Variants in NLRC3 observed in about 807,000 individuals in gnomAD.
The protein encoded by NLRC3 is NLR family CARD domain containing 3.
NLRC3 carries 87 observed loss-of-function variants against 91.6 expected under a neutral mutation model. The ratio of observed to expected loss-of-function variants is 0.95; its 90% CI spans 0.80 to 1.14. NLRC3 has a LOEUF of 1.14. Among genes scored for constraint, NLRC3 ranks in the 50% most tolerant of loss-of-function variants. The pLI is 0.00. For synonymous variants in NLRC3, 694 were observed against 625.3 expected (o/e 1.11, Z -1.64); for missense variants, 1,577 against 1,418.6 (o/e 1.11, Z -1.79).
chr16:3,565,008 C>T lies in NLRC3; in HGVS notation c.29G>A (p.Arg10Lys). Residue 10 changes from arginine (R) to lysine (K), a missense_variant, in exon 4 of 20, where the codon AGG (arginine) becomes AAG (lysine). Arg to Lys is a conservative substitution (Grantham distance 26, BLOSUM62 2). Coordinates refer to ENST00000359128, the MANE Select transcript of NLRC3 (RefSeq NM_178844.4). Reference sequence around the variant, plus strand: ...CGTACCGTGGCCCTGGCCGGCCTCCCTGCCCGTCCGCACCTCTTGCTTCCT... The same window carrying T: ...CGTACCGTGGCCCTGGCCGGCCTCCTTGCCCGTCCGCACCTCTTGCTTCCT... Reference protein sequence around the residue: MRKQEVRTGREAGQGHGTGS... With the variant: MRKQEVRTGKEAGQGHGTGS... 6.2e-7 allele frequency: 1 copy of T among 1,610,344 alleles called. No homozygotes were observed. The highest frequency in any genetic ancestry group is 1.3e-5 in the African/African-American group (1 of 75,068).
intron 5 of NLRC3, among the ~76,000 whole-genome samples, chr16:3,562,552 A>C (rs1012723784): frequency 1.4e-4 from 21 of 152,180 alleles, no homozygotes; most frequent in African/African-American, 5.1e-4. Flanking sequence ...GAGGCAGGAG[A>C]ATCGCTTGAA....
chr16:3,550,509 G>A lies in NLRC3; in HGVS notation c.2352-12C>T, dbSNP rs775943391. The stretch of plus-strand genomic sequence containing the variant: ...TATTACTGGAGAACCTGCAAGAGAA[G>A]GGATATGGATGAGCCAGCCTCTGGG... On this transcript the variant is annotated splice_polypyrimidine_tract_variant and intron_variant, in intron 10 of 19. Coordinates refer to ENST00000359128, the MANE Select transcript of NLRC3 (RefSeq NM_178844.4). 1.3e-6 allele frequency: 2 copies of A among 1,599,342 alleles called. No homozygotes were observed. Among genetic ancestry groups the A allele is most frequent in the South Asian group, 1.1e-5 (1 of 90,802 alleles).
At chr16:3,568,918 TA>T (rs2039986272) in intron 1 of NLRC3, among the ~76,000 whole-genome samples, 1 of 152,222 alleles carries the variant, frequency 6.6e-6, no homozygotes, top group Non-Finnish European at 1.5e-5. Context: ...ATTGTTGGTA[TA>T]AAAGATGATT....
At chr16:3,567,638 G>C (rs1041258748) in intron 1 of NLRC3, among the ~76,000 whole-genome samples, 3 of 151,704 alleles carry the variant, frequency 2.0e-5, no homozygotes, top group Admixed American at 2.0e-4. Context: ...TGGGCATGGT[G>C]GTGGGCGCCT....
intron 15 of NLRC3, chr16:3,545,262 AT>A (rs1330513398): frequency 6.6e-6 from 1 of 152,158 alleles, no homozygotes; most frequent in African/African-American, 2.4e-5. Context: ...CCTGGCCAAC[AT>A]GGTGAAACCC....
intron 1 of NLRC3, among the ~76,000 whole-genome samples, chr16:3,569,974 C>T (rs1471886974): frequency 2.0e-5 from 3 of 152,202 alleles, no homozygotes; most frequent in African/African-American, 7.2e-5. Flanking sequence ...CACTGTATTT[C>T]CATAATTTAT....
intron 7 of NLRC3, 96 bp from the exon 8 acceptor site, chr16:3,557,090 A>G: frequency 1.2e-6 from 1 of 826,954 alleles, no homozygotes; most frequent in Non-Finnish European, 2.0e-6. Context: ...GTGATCCTCT[A>G]AGGGAATGTG....
At chr16:3,547,810 A>AG (rs1041512172) in intron 15 of NLRC3, among the ~76,000 whole-genome samples, 3 of 152,142 alleles carry the variant, frequency 2.0e-5, no homozygotes, top group African/African-American at 7.2e-5. Context: ...CTGGGATTAC[A>AG]GGCATGTGCC....
Position 3,554,323 on chromosome 16 carries a change from A to G in NLRC3, c.2186T>C (p.Leu729Pro), listed in dbSNP as rs1259474740. ...ATCATCCCTAACGGTGTTGCCCTGG[A>G]GGCTGCAGAGACAAGAAGAGGCTCA... ...KINRTLTSLS[L>P]QGNTVRDDGA... The change falls in exon 9 of 20, where the codon CTC becomes CCC. Residue 729 changes from leucine to proline, a missense_variant and splice_region_variant. By Grantham distance (98) the Leu-to-Pro change is moderately conservative. Coordinates refer to ENST00000359128, the MANE Select transcript of NLRC3 (RefSeq NM_178844.4). The G allele has an allele frequency of 1.2e-6, 2 of 1,612,684 alleles. No individual in the cohort carries two copies. Among genetic ancestry groups the G allele is most frequent in the East Asian group, 2.2e-5 (1 of 44,886 alleles).
At chr16:3,549,646 A>G (rs1393508556) in intron 12 of NLRC3, 51 bp downstream of exon 12, 3 of 1,332,808 alleles carry the variant, frequency 2.3e-6, no homozygotes, top group Non-Finnish European at 3.2e-6. Context: ...CCCTGCAGAC[A>G]GGTGCCTCGT....
chr16:3,544,185 C>T (rs2038561136), intron 16 of NLRC3, 61 bp downstream of exon 16: 2 of 915,430 alleles, frequency 2.2e-6, no homozygotes, highest in African/African-American at 1.7e-5. Context: ...AAAAAGACCT[C>T]TAACGTGAAA....
At chr16:3,575,902 T>A (rs1230556712) in intron 1 of NLRC3, among the ~76,000 whole-genome samples, 10 of 152,172 alleles carry the variant, frequency 6.6e-5, no homozygotes, top group Non-Finnish European at 1.3e-4. Flanking sequence ...ATCCTGCCCC[T>A]GCCCCCTCCC....
rs780689019 is a variant in NLRC3 at position 3,556,919 on chromosome 16, G to C, written c.2175C>G (p.Thr725=). The C allele has an allele frequency of 1.2e-5, 19 of 1,612,164 alleles. No individual in the cohort carries two copies. The East Asian group carries it at 3.6e-4, about 30-fold the overall frequency. ...ADALKINRTL[T]SLSLQGNTVR... Reference sequence around the variant, plus strand: ...GAGCAGGTGACACACACCTCAGGGAGGTCAGGGTGCGGTTGATCTTCAAAG... The same window carrying C: ...GAGCAGGTGACACACACCTCAGGGACGTCAGGGTGCGGTTGATCTTCAAAG... Residue 725 remains threonine, a synonymous_variant, in exon 8 of 20, where the codon ACC becomes ACG. Transcript: ENST00000359128.
chr16:3,549,187 G>A lies in NLRC3; in HGVS notation c.2558C>T (p.Ala853Val). 6.3e-7 allele frequency: 1 copy of A among 1,589,800 alleles called. No individual in the cohort carries two copies. Among genetic ancestry groups the A allele is most frequent in the East Asian group, 2.3e-5 (1 of 43,934 alleles). The change falls in exon 13 of 20, where the codon GCC (alanine) becomes GTC (valine). Residue 853 changes from alanine (A) to valine (V), a missense_variant. Transcript: ENST00000359128. ...GTTGGCGCAGAGGGCATGAGCGATGGCCTGGGCTCCCTCGGGACTGATGGA... is the reference window on the plus strand; with the variant it reads ...GTTGGCGCAGAGGGCATGAGCGATGACCTGGGCTCCCTCGGGACTGATGGA... The part of the protein sequence containing the change: ...ENSISPEGAQ[A>V]IAHALCANST...
chr16:3,569,627 A>G (rs539675914), intron 1 of NLRC3, among the ~76,000 whole-genome samples: 63 of 151,788 alleles, frequency 4.2e-4, no homozygotes, highest in South Asian at 8.3e-4. Context: ...TGAACTCCTG[A>G]CCTCAAGTGA....
chr16:3,541,265 C>A lies in NLRC3; in HGVS notation c.*560G>T, dbSNP rs1341534141. The A allele has an allele frequency of 6.6e-6, 1 of 152,272 alleles. No homozygotes were observed. Among genetic ancestry groups the A allele is most frequent in the South Asian group, 2.1e-4 (1 of 4,836 alleles). 9.4% of individuals were successfully genotyped at this position (152,272 alleles called of 1,614,324 possible). On this transcript the variant is annotated 3_prime_UTR_variant, in exon 20 of 20. Coordinates refer to ENST00000359128, the MANE Select transcript of NLRC3 (RefSeq NM_178844.4). ...CTCTTACTGTCTCTGTTTCCAGAAT[C>A]CTAGAATTAAAACTTTCATTTATCT...
In NLRC3 at chr16:3,548,684, G is replaced by T; in HGVS notation, c.2673C>A (p.Thr891=). Residue 891 remains threonine, a synonymous_variant, in exon 14 of 20, where the codon ACC becomes ACA. Transcript: ENST00000359128. ...AIAVAVRENR[T]LTSLHLQWNF... ...TGCAGACTCACTGAAGGGAGGTGAG[G>T]GTGCGGTTTTCTCTCACTGCCACTG... The T allele has an allele frequency of 6.3e-7, 1 of 1,590,858 alleles. No homozygotes were observed.
rs574578976 is a variant in NLRC3 at position 3,549,208 on chromosome 16, A to C, written c.2537T>G (p.Ile846Ser). The change falls in exon 13 of 20, where the codon ATC becomes AGC. Residue 846 changes from isoleucine to serine, a missense_variant. Physicochemically the swap from Ile to Ser is moderately radical, Grantham distance 142 (BLOSUM62 -2). Coordinates refer to ENST00000359128, the MANE Select transcript of NLRC3 (RefSeq NM_178844.4). Reference protein sequence around the residue: ...LLSLSLRENSISPEGAQAIAH... With the variant: ...LLSLSLRENSSSPEGAQAIAH... Reference sequence around the variant, plus strand: ...GATGGCCTGGGCTCCCTCGGGACTGATGGAGTTTTCTCGAAGGCTGAAAAA... The same window carrying C: ...GATGGCCTGGGCTCCCTCGGGACTGCTGGAGTTTTCTCGAAGGCTGAAAAA... The C allele has an allele frequency of 6.3e-7, 1 of 1,585,026 alleles. No individual in the cohort carries two copies. The highest frequency in any genetic ancestry group is 2.3e-5 in the East Asian group (1 of 43,660).
Position 3,541,844 on chromosome 16 carries a change from G to C in NLRC3, c.3179C>G (p.Thr1060Arg), listed in dbSNP as rs375515785. 1 of 1,610,664 alleles carries C rather than the reference G, an allele frequency of 6.2e-7. No individual in the cohort carries two copies. The highest frequency in any genetic ancestry group is 1.1e-5 in the South Asian group (1 of 90,708). ...ISEAIKTNAPTCTVEM is the reference protein window; with the variant it reads ...ISEAIKTNAPRCTVEM The stretch of plus-strand genomic sequence containing the variant: ...CCAGGATCACATTTCAACAGTGCAC[G>C]TGGGAGCATTTGTCTTGATGGCCTC... The change falls in exon 20 of 20, where the codon ACG becomes AGG. Residue 1060 changes from threonine (T) to arginine (R), a missense_variant. By Grantham distance (71) the Thr-to-Arg change is moderately conservative (BLOSUM62 -1). Coordinates refer to ENST00000359128, the MANE Select transcript of NLRC3 (RefSeq NM_178844.4).
Sources: gnomAD v4.1 joint callset for allele counts (sites outside exome capture counted in the v4.1 genomes callset) on GRCh38, gnomAD v4.1.1 for gene constraint, MANE v1.5 for transcripts, NCBI Gene and HGNC (gene_info 2026-07-23, HGNC 2026-07-21) for gene names.